SPTB: variants seen among roughly 807,000 people sequenced by gnomAD.
SPTB encodes spectrin beta chain, erythrocytic.
In SPTB, 45 loss-of-function variants were observed where a neutral mutation model predicts 256.2. The observed-to-expected ratio is 0.18, with a 90% CI of 0.14 to 0.23. The LOEUF (loss-of-function observed/expected upper bound fraction) is 0.23. Among genes scored for constraint, SPTB ranks in the 10% least tolerant of loss-of-function variants. SPTB has a pLI of 1.00. For missense variants in SPTB, 2,715 were observed against 3,040.4 expected, an observed-to-expected ratio of 0.89 and a Z score of 2.52; for synonymous variants, 1,231 against 1,243.1, an observed-to-expected ratio of 0.99 and a Z score of 0.21.
In SPTB at chr14:64,786,974, C is replaced by A; in HGVS notation, c.2991G>T (p.Leu997Phe). ...LAGIIAIQRK[L>F]SGLERDVAAI... is the part of the protein sequence containing the mutation. ...CGGCCACGTCACGCTCCAGCCCTGA[C>A]AACTTCCTCTGGATGGCGATGATAC... Residue 997 changes from leucine to phenylalanine, a missense_variant, in exon 16 of 36, where the codon TTG becomes TTT. Leu to Phe is a conservative substitution (Grantham distance 22, BLOSUM62 0). Transcript: ENST00000644917. This position sits in a 1 kb window ranked among gnomAD's most constrained non-coding sequence, Gnocchi z 5.6. 1 of 1,614,136 alleles carries A rather than the reference C, an allele frequency of 6.2e-7. No homozygotes were observed. Among genetic ancestry groups the A allele is most frequent in the Non-Finnish European group, 8.5e-7 (1 of 1,180,044 alleles).
In SPTB at chr14:64,773,472, C is replaced by T. The variant is rs778345159; in HGVS notation, c.4974-48G>A. On this transcript the variant is annotated intron_variant, in intron 24 of 35. Transcript: ENST00000644917. ...CCCTCAGAGACGGCAGCCACGAACC[C>T]AGAGCCGTGGCTCCAGGGAGCCAAC... is the stretch of plus-strand genomic sequence containing the variant. 3.1e-6 allele frequency: 5 copies of T among 1,598,664 alleles called. No individual in the cohort carries two copies. The South Asian group carries it at 4.4e-5, about 14-fold the overall frequency.
chr14:64,795,374 T>C lies in SPTB; in HGVS notation c.1607A>G (p.Asp536Gly). The C allele has an allele frequency of 6.2e-7, 1 of 1,613,422 alleles. No homozygotes were observed. The highest frequency in any genetic ancestry group is 1.1e-5 in the South Asian group (1 of 91,076). Residue 536 changes from aspartate (D) to glycine (G), a missense_variant, in exon 12 of 36, where the codon GAC becomes GGC. Physicochemically the swap from Asp to Gly is moderately conservative, Grantham distance 94. Transcript: ENST00000644917. This position sits in a 1 kb window ranked among gnomAD's most constrained non-coding sequence, Gnocchi z 6.5. ...CATCCAGTCGATGCTGTGCAGCATG[T>C]CCTGGAAGAGCTTCTGCAGTGCCAG... ...TTLALQKLFQDMLHSIDWMDE... is the reference protein window; with the variant it reads ...TTLALQKLFQGMLHSIDWMDE...
chr14:64,805,671 G>T (rs866819599), intron 2 of SPTB, among the ~76,000 whole-genome samples: 1 of 152,180 alleles, frequency 6.6e-6, no homozygotes, highest in South Asian at 2.1e-4. Context: ...GGAGCCTGGT[G>T]CACCATCAGT....
rs968791229 is a variant in SPTB, at chr14:64,746,873, G to C, written c.*2433C>G. On this transcript the variant is annotated 3_prime_UTR_variant, in exon 36 of 36. Transcript: ENST00000644917. The surrounding 1 kb of genome is among the most constrained non-coding windows in gnomAD (Gnocchi z 4.9). The stretch of plus-strand genomic sequence containing the variant: ...CGTTTGGGAATACTGTCAAAAGACT[G>C]TAGAGTAGAATAAGGAGAGAAAAAA... 6.6e-6 allele frequency: 1 copy of C among 152,114 alleles called. No individual in the cohort carries two copies. Among genetic ancestry groups the C allele is most frequent in the Admixed American group, 6.6e-5 (1 of 15,250 alleles). The allele number at this position is 152,114 out of a possible 1,614,324, so 9.4% of individuals were successfully genotyped here.
At chr14:64,830,359 TTATTATTATTATTA>T (rs929882104) in intron 1 of SPTB, among the ~76,000 whole-genome samples, 1 of 127,202 alleles carries the variant, frequency 7.9e-6, no homozygotes, top group African/African-American at 3.6e-5. Flanking sequence ...ATTATTATTA[TTATTATTATTATTA>T]TTATTATTTT....
At position 64,791,855 on chromosome 14, in the gene SPTB, A is replaced by G. The variant is rs779314843; in HGVS notation, c.2668T>C (p.Phe890Leu). The change falls in exon 15 of 36, where the codon TTC (phenylalanine) becomes CTC (leucine). Residue 890 changes from phenylalanine to leucine, a missense_variant and splice_region_variant. By Grantham distance (22) the Phe-to-Leu change is conservative (BLOSUM62 0). Coordinates refer to ENST00000644917, the MANE Select transcript of SPTB (RefSeq NM_001355436.2). ...LEDLEVVQHRFDILDQEMKTL... is the reference protein window; with the variant it reads ...LEDLEVVQHRLDILDQEMKTL... The stretch of plus-strand genomic sequence containing the variant: ...TTCATCTCCTGGTCCAGGATGTCGA[A>G]CCTGATATGGGCAAAGGAAAATATG... The G allele has an allele frequency of 6.2e-7, 1 of 1,614,196 alleles. No individual in the cohort carries two copies. Among genetic ancestry groups the G allele is most frequent in the Admixed American group, 1.7e-5 (1 of 60,034 alleles).
rs556411815 is a variant in SPTB, at chr14:64,783,492, GT to G, written c.4002+754del. On this transcript the variant is annotated intron_variant, in intron 19 of 35. Transcript: ENST00000644917. ...GCTGGGATTACAGCTGTGAGCCACC[GT>G]GCCTGGCCTAATAGTTAATATTTAT... Among the ~76,000 whole-genome samples the G allele has an allele frequency of 5.3e-5, 8 of 152,270 alleles. No individual in the cohort carries two copies. In the East Asian group the frequency reaches 1.5e-3, roughly 29 times the overall value.
chr14:64,867,817 G>A (rs950641947), intron 1 of SPTB, among the ~76,000 whole-genome samples: 4 of 142,408 alleles, frequency 2.8e-5, no homozygotes, highest in Non-Finnish European at 5.9e-5. Context: ...TCATGCCACT[G>A]TACTCCAGCC....
At chr14:64,768,925 G>A (rs917884462) in intron 29 of SPTB, 109 bp downstream of exon 29, 6 of 914,548 alleles carry the variant, frequency 6.6e-6, no homozygotes, top group Non-Finnish European at 9.0e-6. Flanking sequence ...GCTGTGGGGG[G>A]CTCCTCTCTA....
Position 64,771,049 on chromosome 14 carries a change from C to T in SPTB, c.5634G>A (p.Glu1878=), listed in dbSNP as rs1370363067. 1 of 1,614,206 alleles carries T rather than the reference C, an allele frequency of 6.2e-7. No homozygotes were observed. The highest frequency in any genetic ancestry group is 1.7e-5 in the Admixed American group (1 of 60,038). ...CCTGCCACGCGGCAGACACCTCCTG[C>T]TCCTTGTTCTGGATGGCCTCTGCCT... ...GEKAEAIQNK[E]QEVSAAWQAL... The change falls in exon 27 of 36, where the codon GAG becomes GAA. Residue 1878 remains glutamate (E), a synonymous_variant. Transcript: ENST00000644917.
chr14:64,821,832 G>A (rs1483597851), intron 2 of SPTB, among the ~76,000 whole-genome samples: 1 of 152,116 alleles, frequency 6.6e-6, no homozygotes, highest in African/African-American at 2.4e-5. Context: ...TTCCCGGCAT[G>A]AGAAGCCCAG....
chr14:64,874,592 A>T (rs1256833118), intron 1 of SPTB, among the ~76,000 whole-genome samples: 1 of 152,086 alleles, frequency 6.6e-6, no homozygotes, highest in Non-Finnish European at 1.5e-5. Flanking sequence ...CTAATTGACC[A>T]CTCCTAGGGT....
intron 1 of SPTB, among the ~76,000 whole-genome samples, chr14:64,855,545 G>C (rs1194077660): frequency 2.0e-5 from 3 of 152,004 alleles, no homozygotes; most frequent in Non-Finnish European, 4.4e-5. Flanking sequence ...CATATACGTT[G>C]ACCAGGCTGG....
rs373203460 is a variant in SPTB at position 64,760,370 on chromosome 14, G to A, written c.6345+6356C>T. 1.6e-4 allele frequency among the ~76,000 whole-genome samples: 25 copies of A among 152,074 alleles called. No individual in the cohort carries two copies. The highest frequency in any genetic ancestry group is 4.8e-4 in the African/African-American group (20 of 41,388). On this transcript the variant is annotated intron_variant, in intron 32 of 35. Coordinates refer to ENST00000644917, the MANE Select transcript of SPTB (RefSeq NM_001355436.2). This position sits in a 1 kb window ranked among gnomAD's most constrained non-coding sequence, Gnocchi z 4.3. ...TCCAGGCTCAACCAGCAGGTGGCGC[G>A]GGGGACTGCACACAGACAACAAACT...
Position 64,827,943 on chromosome 14 carries a change from C to T in SPTB, c.-51-4798G>A, listed in dbSNP as rs958832922. On this transcript the variant is annotated intron_variant, in intron 1 of 35. Transcript: ENST00000644917. The surrounding 1 kb of genome is among the most constrained non-coding windows in gnomAD (Gnocchi z 4.6). Reference sequence around the variant, plus strand: ...GCCACCTATGGGTGACCTTTCCAGTCGATGGACACCACCAGCAGTTCCTGG... The same window carrying T: ...GCCACCTATGGGTGACCTTTCCAGTTGATGGACACCACCAGCAGTTCCTGG... Among the ~76,000 whole-genome samples, 4 of 152,160 alleles carry T rather than the reference C, an allele frequency of 2.6e-5. No individual in the cohort carries two copies. Among genetic ancestry groups the T allele is most frequent in the African/African-American group, 4.8e-5 (2 of 41,430 alleles).
intron 1 of SPTB, among the ~76,000 whole-genome samples, chr14:64,831,914 T>C (rs1032438805): frequency 2.6e-5 from 4 of 152,112 alleles, no homozygotes; most frequent in African/African-American, 9.7e-5. Context: ...CCAATACCCA[T>C]ACAAGGACAT....
In SPTB at chr14:64,764,787, C is replaced by T. The variant is rs1211805195; in HGVS notation, c.6345+1939G>A. On this transcript the variant is annotated intron_variant, in intron 32 of 35. Coordinates refer to ENST00000644917, the MANE Select transcript of SPTB (RefSeq NM_001355436.2). The surrounding 1 kb of genome is among the most constrained non-coding windows in gnomAD (Gnocchi z 4.2). ...CCTAGCCCGTGTCCGCAGTCTGTGCCGGCCCCCCAGAGTTCGCTCTCCTTC... is the reference window on the plus strand; with the variant it reads ...CCTAGCCCGTGTCCGCAGTCTGTGCTGGCCCCCCAGAGTTCGCTCTCCTTC... Among the ~76,000 whole-genome samples, 1 of 152,150 alleles carries T rather than the reference C, an allele frequency of 6.6e-6. No individual in the cohort carries two copies. The highest frequency in any genetic ancestry group is 2.1e-4 in the South Asian group (1 of 4,826).
At chr14:64,798,649 C>T (rs1256132260) in intron 9 of SPTB, among the ~76,000 whole-genome samples, 1 of 152,254 alleles carries the variant, frequency 6.6e-6, no homozygotes, top group Admixed American at 6.5e-5. Context: ...ACTGTCTACA[C>T]AGCCAAGAGA....
At position 64,852,770 on chromosome 14, in the gene SPTB, T is replaced by C. The variant is rs1403441206; in HGVS notation, c.-52+27022A>G. 6.6e-6 allele frequency among the ~76,000 whole-genome samples: 1 copy of C among 152,148 alleles called. No individual in the cohort carries two copies. Among genetic ancestry groups the C allele is most frequent in the Non-Finnish European group, 1.5e-5 (1 of 68,016 alleles). ...TAGCGGGGATAAAGGATGAGTTCAATGGGTCAGAATTTCATAGCAAGCCCT... is the reference window on the plus strand; with the variant it reads ...TAGCGGGGATAAAGGATGAGTTCAACGGGTCAGAATTTCATAGCAAGCCCT... On this transcript the variant is annotated intron_variant, in intron 1 of 35. Transcript: ENST00000644917. This position sits in a 1 kb window ranked among gnomAD's most constrained non-coding sequence, Gnocchi z 4.2.
Sources: allele counts gnomAD v4.1 joint callset (sites outside exome capture counted in the v4.1 genomes callset), GRCh38; gene constraint gnomAD v4.1.1; non-coding constraint Gnocchi (gnomAD v3.1); transcripts MANE v1.5; gene names NCBI Gene and HGNC (gene_info 2026-07-23, HGNC 2026-07-21).